EYS: variants seen among roughly 807,000 people sequenced by gnomAD.
EYS encodes EGF-like photoreceptor maintenance factor.
EYS carries 250 observed loss-of-function variants against 282.1 expected under a neutral mutation model. The ratio of observed to expected loss-of-function variants is 0.89; its 90% CI spans 0.80 to 0.98. The LOEUF (loss-of-function observed/expected upper bound fraction) is 0.98. Ranked by LOEUF, EYS falls within the 50% of genes least tolerant of loss-of-function variation. EYS has a pLI of 0.00. For synonymous variants in EYS, 1,355 were observed against 1,282.9 expected, an observed-to-expected ratio of 1.06 and a Z score of -1.20; for missense variants, 4,016 against 3,709.0, an observed-to-expected ratio of 1.08 and a Z score of -2.15.
chr6:64,384,028 T>C (rs764424654), intron 29 of EYS, among the ~76,000 whole-genome samples: 2 of 152,152 alleles, frequency 1.3e-5, no homozygotes, highest in Non-Finnish European at 2.9e-5. Context: ...CTTTCTTCAT[T>C]TGTTTTTCAG....
At position 64,186,248 on chromosome 6, in the gene EYS, TACACACACACAC is replaced by T. The variant is rs34727951; in HGVS notation, c.6424+44332_6424+44343del. 1.1e-3 allele frequency among the ~76,000 whole-genome samples: 164 copies of T among 147,072 alleles called. 1 individual carries two copies. The highest frequency in any genetic ancestry group is 4.8e-3 in the South Asian group (22 of 4,566). ...GGTATACAGGCTTATATGTGTGTTT[TACACACACACAC>T]ACACACACACACACACACACACACG... On this transcript the variant is annotated intron_variant, in intron 31 of 42. Coordinates refer to ENST00000503581, the MANE Select transcript of EYS (RefSeq NM_001142800.2).
chr6:63,816,506 A>G (rs1357213070), intron 36 of EYS, among the ~76,000 whole-genome samples: 2 of 152,360 alleles, frequency 1.3e-5, no homozygotes, highest in South Asian at 2.1e-4. Context: ...CTGGAGAACT[A>G]GCAGGGAAAG....
chr6:63,751,265 C>A (rs901343349), intron 41 of EYS, among the ~76,000 whole-genome samples: 1 of 152,002 alleles, frequency 6.6e-6, no homozygotes, highest in East Asian at 1.9e-4. Context: ...TTTGTTCTTA[C>A]CAAATTGCAG....
At chr6:63,856,649 A>G (rs1397623721) in intron 36 of EYS, among the ~76,000 whole-genome samples, 3 of 152,248 alleles carry the variant, frequency 2.0e-5, no homozygotes, top group Non-Finnish European at 4.4e-5. Flanking sequence ...AATAGTTTTA[A>G]GATGAGAGGT....
intron 41 of EYS, among the ~76,000 whole-genome samples, chr6:63,740,149 C>T (rs1769036879): frequency 1.3e-5 from 2 of 152,072 alleles, no homozygotes. Context: ...AATTAAGACC[C>T]TGATATGGTT....
intron 33 of EYS, among the ~76,000 whole-genome samples, chr6:64,054,760 G>A (rs1278895519): frequency 6.6e-6 from 1 of 151,972 alleles, no homozygotes; most frequent in Non-Finnish European, 1.5e-5. Flanking sequence ...TCTTAAATGA[G>A]TATCAGAAAA....
intron 13 of EYS, among the ~76,000 whole-genome samples, chr6:65,038,427 A>G (rs1279047455): frequency 1.3e-5 from 2 of 151,304 alleles, no homozygotes; most frequent in East Asian, 3.9e-4. Context: ...TCCTTCCTTC[A>G]CTGAGTAATA....
chr6:65,442,119 TTG>T (rs1768352701), intron 5 of EYS, among the ~76,000 whole-genome samples: 1 of 151,718 alleles, frequency 6.6e-6, no homozygotes, highest in Non-Finnish European at 1.5e-5. Flanking sequence ...ATTGAATTAT[TTG>T]TGTTTTCTTC....
At chr6:65,038,486 C>T (rs1186298174) in intron 13 of EYS, among the ~76,000 whole-genome samples, 3 of 151,318 alleles carry the variant, frequency 2.0e-5, no homozygotes, top group Non-Finnish European at 4.4e-5. Flanking sequence ...TTCATGTTGA[C>T]AGATATTTTT....
rs537662286 is a variant in EYS at position 63,806,332 on chromosome 6, G to T, written c.7269C>A (p.Ala2423=). ...AAGCCAGGAATGAGGTGTATCCAAA[G>T]GCATCTGTGCCACTGAACCTTGGCT... ...ITQPRFSGTD[A]FGYTSFLAYS... is the part of the protein sequence containing the mutation. The change falls in exon 37 of 43, where the codon GCC becomes GCA. Residue 2423 remains alanine, a synonymous_variant. Coordinates refer to ENST00000503581, the MANE Select transcript of EYS (RefSeq NM_001142800.2). 6.4e-7 allele frequency: 1 copy of T among 1,550,932 alleles called. No individual in the cohort carries two copies. Among genetic ancestry groups the T allele is most frequent in the South Asian group, 1.2e-5 (1 of 83,956 alleles).
chr6:64,893,915 T>C lies in EYS; in HGVS notation c.2847-7073A>G, dbSNP rs543285643. 4.6e-5 allele frequency among the ~76,000 whole-genome samples: 7 copies of C among 152,166 alleles called. 1 individual carries two copies. The highest frequency in any genetic ancestry group is 1.7e-4 in the African/African-American group (7 of 41,556). On this transcript the variant is annotated intron_variant, in intron 18 of 42. Coordinates refer to ENST00000503581, the MANE Select transcript of EYS (RefSeq NM_001142800.2). ...TACACACATTTCATACACATATATA[T>C]GTATGAAACTCCTATGCATGCATTC...
At chr6:64,917,155 A>G (rs538154166) in intron 15 of EYS, among the ~76,000 whole-genome samples, 1 of 151,976 alleles carries the variant, frequency 6.6e-6, no homozygotes, top group South Asian at 2.1e-4. Flanking sequence ...AGGCTGAAGC[A>G]GGAGAATTGC....
At chr6:64,892,731 G>A (rs1368622296) in intron 18 of EYS, among the ~76,000 whole-genome samples, 1 of 151,710 alleles carries the variant, frequency 6.6e-6, no homozygotes, top group Non-Finnish European at 1.5e-5. Flanking sequence ...TATTATAATT[G>A]CATGTGGGTG....
chr6:64,777,933 T>G (rs1773729715), intron 22 of EYS, among the ~76,000 whole-genome samples: 1 of 152,142 alleles, frequency 6.6e-6, no homozygotes, highest in Non-Finnish European at 1.5e-5. Flanking sequence ...AGAATATGAA[T>G]GTTTAAGGAT....
At chr6:65,405,462 CTA>C (rs1766697543) in intron 5 of EYS, 95 bp from the exon 6 acceptor site, 1 of 992,592 alleles carries the variant, frequency 1.0e-6, no homozygotes, top group South Asian at 1.4e-5. Context: ...GAAAATTTCT[CTA>C]GAGTTTATGA....
At chr6:65,258,525 A>G (rs1767533100) in intron 12 of EYS, among the ~76,000 whole-genome samples, 2 of 152,072 alleles carry the variant, frequency 1.3e-5, no homozygotes, top group Admixed American at 1.3e-4. Context: ...TTGATGTAGT[A>G]TATGTCACAA....
chr6:64,174,792 T>C (rs546518108), intron 31 of EYS, among the ~76,000 whole-genome samples: 1 of 152,146 alleles, frequency 6.6e-6, no homozygotes, highest in South Asian at 2.1e-4. Flanking sequence ...TTTATTCTAT[T>C]ATCTCAATTC....
chr6:64,192,803 G>A (rs114544238), intron 31 of EYS, among the ~76,000 whole-genome samples: 2,395 of 152,128 alleles, frequency 0.016, 22 homozygotes, highest in South Asian at 0.035. Flanking sequence ...TTTTATATAC[G>A]GCATAATGGA....
intron 35 of EYS, among the ~76,000 whole-genome samples, chr6:63,868,586 CA>C (rs1226071229): frequency 6.6e-6 from 1 of 152,098 alleles, no homozygotes; most frequent in Non-Finnish European, 1.5e-5. Context: ...ATAATGTCTC[CA>C]GATAGTTCTG....
Sources: allele counts gnomAD v4.1 joint callset (sites outside exome capture counted in the v4.1 genomes callset), GRCh38; gene constraint gnomAD v4.1.1; transcripts MANE v1.5; gene names NCBI Gene and HGNC (gene_info 2026-07-23, HGNC 2026-07-21).